PLEKHA2: variants seen among roughly 807,000 people sequenced by gnomAD.
PLEKHA2 encodes the protein pleckstrin homology domain-containing family A member 2.
In PLEKHA2, 28 loss-of-function variants were observed where a neutral mutation model predicts 53.2. The observed-to-expected ratio is 0.53, with a 90% CI of 0.39 to 0.72. The LOEUF is 0.72. PLEKHA2 is among the 30% of genes least tolerant of loss of function. The probability of loss-of-function intolerance (pLI) is 0.00; values close to 1 mark genes in which losing one functional copy is unlikely to be tolerated. For missense variants in PLEKHA2, 426 were observed against 537.9 expected (o/e 0.79, Z 2.06); for synonymous variants, 193 against 196.4 (o/e 0.98, Z 0.14).
chr8:38,963,410 T>A (rs1310202586), intron 10 of PLEKHA2, among the ~76,000 whole-genome samples: 2 of 152,230 alleles, frequency 1.3e-5, no homozygotes, highest in East Asian at 3.8e-4. Context: ...TATATTTTTT[T>A]AAACCTCTGT....
intron 2 of PLEKHA2, among the ~76,000 whole-genome samples, chr8:38,924,322 C>G (rs536976128): frequency 2.0e-5 from 3 of 152,066 alleles, no homozygotes; most frequent in Non-Finnish European, 2.9e-5. Flanking sequence ...AGAAGAAGAC[C>G]CTGAGACGAG....
chr8:38,963,804 TA>T (rs1487761542), intron 10 of PLEKHA2, among the ~76,000 whole-genome samples: 4 of 152,236 alleles, frequency 2.6e-5, no homozygotes, highest in African/African-American at 4.8e-5. Context: ...TAACATTTAT[TA>T]GGGAGTAGCA....
intron 11 of PLEKHA2, 74 bp downstream of exon 11, chr8:38,968,743 G>T (rs1453605436): frequency 1.3e-6 from 2 of 1,522,810 alleles, no homozygotes; most frequent in Non-Finnish European, 1.8e-6. Context: ...GTTTTATTTG[G>T]TGATGTAGGC....
At chr8:38,915,623 C>T (rs1834046784) in intron 1 of PLEKHA2, among the ~76,000 whole-genome samples, 1 of 152,280 alleles carries the variant, frequency 6.6e-6, no homozygotes, top group East Asian at 1.9e-4. Context: ...TTTTGAGGGC[C>T]TTAGGGTTAG....
At chr8:38,958,909 G>T (rs1278101296) in intron 10 of PLEKHA2, among the ~76,000 whole-genome samples, 3 of 152,168 alleles carry the variant, frequency 2.0e-5, no homozygotes, top group African/African-American at 7.2e-5. Context: ...AGGGGAGGGA[G>T]TGCTGGGGGA....
intron 2 of PLEKHA2, among the ~76,000 whole-genome samples, chr8:38,932,185 A>G (rs138782212): frequency 6.6e-6 from 1 of 152,260 alleles, no homozygotes; most frequent in African/African-American, 2.4e-5. Context: ...TTGTAGAGAC[A>G]GAGTCTTGCT....
chr8:38,958,278 A>G (rs566669716), intron 10 of PLEKHA2, among the ~76,000 whole-genome samples: 17 of 152,164 alleles, frequency 1.1e-4, no homozygotes, highest in Admixed American at 6.5e-5. Flanking sequence ...AGCTGAGATC[A>G]TACCACTGCA....
chr8:38,933,624 T>G (rs1044671643), intron 2 of PLEKHA2, among the ~76,000 whole-genome samples: 3 of 151,944 alleles, frequency 2.0e-5, no homozygotes, highest in South Asian at 4.2e-4. Flanking sequence ...TCTGTAAGTC[T>G]GACCTTGGGC....
At chr8:38,967,623 T>C (rs887380933) in intron 10 of PLEKHA2, among the ~76,000 whole-genome samples, 3 of 152,192 alleles carry the variant, frequency 2.0e-5, no homozygotes, top group Non-Finnish European at 4.4e-5. Flanking sequence ...TCTTGGCCAC[T>C]TGTATGTCTT....
intron 2 of PLEKHA2, among the ~76,000 whole-genome samples, chr8:38,932,132 A>C (rs945034619): frequency 6.6e-6 from 1 of 152,098 alleles, no homozygotes; most frequent in Non-Finnish European, 1.5e-5. Context: ...CTGGGACTAC[A>C]AATGTGCACC....
chr8:38,912,773 G>A (rs946996966), intron 1 of PLEKHA2, among the ~76,000 whole-genome samples: 2 of 152,138 alleles, frequency 1.3e-5, no homozygotes, highest in African/African-American at 4.8e-5. Context: ...TGAACGTGCC[G>A]CTGCTGCGTG....
At chr8:38,923,828 T>G (rs1042032198) in intron 2 of PLEKHA2, among the ~76,000 whole-genome samples, 6 of 152,116 alleles carry the variant, frequency 3.9e-5, no homozygotes, top group African/African-American at 1.4e-4. Context: ...ATTTTGTGGG[T>G]TTTCCACTTA....
intron 1 of PLEKHA2, among the ~76,000 whole-genome samples, chr8:38,905,478 T>A (rs1028010073): frequency 4.0e-5 from 6 of 150,008 alleles, no homozygotes; most frequent in African/African-American, 1.2e-4. Flanking sequence ...AAATTTTTTT[T>A]AAATACTCAT....
At chr8:38,908,611 C>T (rs1833912943) in intron 1 of PLEKHA2, among the ~76,000 whole-genome samples, 1 of 152,188 alleles carries the variant, frequency 6.6e-6, no homozygotes, top group African/African-American at 2.4e-5. Context: ...AAATTCCACT[C>T]ATAGCCCGTA....
intron 3 of PLEKHA2, among the ~76,000 whole-genome samples, chr8:38,940,998 G>T (rs1342442288): frequency 6.6e-6 from 1 of 151,452 alleles, no homozygotes; most frequent in African/African-American, 2.4e-5. Flanking sequence ...TAATTTCTGG[G>T]CAATCATCTT....
Position 38,965,786 on chromosome 8 carries a change from G to A in PLEKHA2, c.838-2806G>A, listed in dbSNP as rs1056928204. ...GCGTTTAAGGCTTCATTTTTTTGTCGCATATCATATAATACCAGTGAAAAC... is the reference window on the plus strand; with the variant it reads ...GCGTTTAAGGCTTCATTTTTTTGTCACATATCATATAATACCAGTGAAAAC... On this transcript the variant is annotated intron_variant, in intron 10 of 11. Transcript: ENST00000617275. Among the ~76,000 whole-genome samples the A allele has an allele frequency of 3.3e-5, 5 of 151,900 alleles. No homozygotes were observed. The East Asian group carries it at 5.8e-4, about 18-fold the overall frequency.
intron 3 of PLEKHA2, among the ~76,000 whole-genome samples, chr8:38,943,223 G>GT (rs1415165653): frequency 1.3e-5 from 2 of 152,108 alleles, no homozygotes; most frequent in Admixed American, 1.3e-4. Context: ...GCTCATACTT[G>GT]TAATCCTAAC....
intron 8 of PLEKHA2, 85 bp downstream of exon 8, chr8:38,952,789 G>A: frequency 2.2e-6 from 3 of 1,363,832 alleles, no homozygotes; most frequent in South Asian, 1.2e-5. Context: ...GCGTGCATGA[G>A]TGGAGATGTG....
Position 38,967,276 on chromosome 8 carries a change from T to A in PLEKHA2, c.838-1316T>A, listed in dbSNP as rs190303937. Among the ~76,000 whole-genome samples the A allele has an allele frequency of 5.3e-5, 8 of 152,346 alleles. No individual in the cohort carries two copies. The East Asian group carries it at 1.2e-3, about 22-fold the overall frequency. On this transcript the variant is annotated intron_variant, in intron 10 of 11. Coordinates refer to ENST00000617275, the MANE Select transcript of PLEKHA2 (RefSeq NM_021623.2). ...CAAGGGTGCAGGTATCTTTTTGATATAATGATTTCTTTAAAAAATTTTTAA... is the reference window on the plus strand; with the variant it reads ...CAAGGGTGCAGGTATCTTTTTGATAAAATGATTTCTTTAAAAAATTTTTAA...
Sources: allele counts gnomAD v4.1 joint callset (sites outside exome capture counted in the v4.1 genomes callset), GRCh38; gene constraint gnomAD v4.1.1; transcripts MANE v1.5; gene names NCBI Gene and HGNC (gene_info 2026-07-23, HGNC 2026-07-21).